The following PCDH15 variants were observed in gnomAD, a reference collection of about 807,000 sequenced individuals.
The protein encoded by PCDH15 is protocadherin-15.
Under a neutral mutation model 178.5 loss-of-function variants are expected in PCDH15, and 129 were observed. That is an observed-to-expected ratio of 0.72 (90% confidence interval 0.63 to 0.84). PCDH15 has a LOEUF of 0.84. Ranked by LOEUF, PCDH15 falls within the 40% of genes least tolerant of loss-of-function variation. PCDH15 has a pLI of 0.00. For synonymous variants in PCDH15, 800 were observed against 732.0 expected, an observed-to-expected ratio of 1.09 and a Z score of -1.50; for missense variants, 2,230 against 2,099.9, an observed-to-expected ratio of 1.06 and a Z score of -1.21.
intron 1 of PCDH15, among the ~76,000 whole-genome samples, chr10:55,302,192 T>A (rs192347477): frequency 1.3e-5 from 2 of 151,968 alleles, no homozygotes; most frequent in South Asian, 2.1e-4. Flanking sequence ...AGAATTGGCA[T>A]AATTACCATG....
chr10:55,450,526 A>T (rs906384673), intron 2 of PCDH15, among the ~76,000 whole-genome samples: 1 of 152,158 alleles, frequency 6.6e-6, no homozygotes, highest in African/African-American at 2.4e-5. Flanking sequence ...GAGTTAAATG[A>T]TCAGAACTCT....
At chr10:54,693,407 C>G (rs1163194429) in intron 1 of PCDH15, among the ~76,000 whole-genome samples, 2 of 152,052 alleles carry the variant, frequency 1.3e-5, no homozygotes, top group East Asian at 3.9e-4. Flanking sequence ...ATATCATGTT[C>G]ATATATTAGA....
chr10:54,530,901 G>A (rs2083842551), intron 2 of PCDH15, among the ~76,000 whole-genome samples: 1 of 152,062 alleles, frequency 6.6e-6, no homozygotes, highest in Admixed American at 6.6e-5. Flanking sequence ...GTTTTTAAAC[G>A]ATGCATTCAC....
intron 8 of PCDH15, among the ~76,000 whole-genome samples, chr10:54,298,537 C>A (rs11813372): frequency 6.6e-6 from 1 of 152,102 alleles, no homozygotes; most frequent in African/African-American, 2.4e-5. Context: ...AAAGGTTGTC[C>A]AATGAGAAAC....
chr10:55,153,137 C>G lies in PCDH15; in HGVS notation c.-80+13439G>C, dbSNP rs181337370. ...CAAGACGTATCATTTAACTGATCTACTTTATCTAGTTACCCACACCTATGA... is the reference window on the plus strand; with the variant it reads ...CAAGACGTATCATTTAACTGATCTAGTTTATCTAGTTACCCACACCTATGA... On this transcript the variant is annotated intron_variant, in intron 2 of 5. Transcript: ENST00000458638. Among the ~76,000 whole-genome samples the G allele has an allele frequency of 1.1e-3, 173 of 152,240 alleles. 1 individual carries two copies. The highest frequency in any genetic ancestry group is 3.4e-4 in the Non-Finnish European group (23 of 68,022).
intron 2 of PCDH15, among the ~76,000 whole-genome samples, chr10:55,416,733 A>G (rs1302795557): frequency 1.3e-5 from 2 of 151,770 alleles, no homozygotes; most frequent in African/African-American, 4.8e-5. Context: ...CAGAGAATTA[A>G]AGGGACAGGT....
intron 2 of PCDH15, among the ~76,000 whole-genome samples, chr10:55,056,957 C>T (rs1320651195): frequency 1.3e-5 from 2 of 152,000 alleles, no homozygotes; most frequent in Admixed American, 6.6e-5. Context: ...TTTGAAATTA[C>T]ATTTATACAA....
chr10:54,073,123 ATATG>A (rs1415626731), intron 17 of PCDH15, among the ~76,000 whole-genome samples: 2 of 151,862 alleles, frequency 1.3e-5, no homozygotes, highest in Non-Finnish European at 2.9e-5. Flanking sequence ...TAAAGATTAT[ATATG>A]TATGTGTGTA....
intron 2 of PCDH15, among the ~76,000 whole-genome samples, chr10:55,439,259 A>G (rs1208162572): frequency 6.6e-6 from 1 of 152,186 alleles, no homozygotes; most frequent in African/African-American, 2.4e-5. Context: ...AGAATTCTGG[A>G]TGGCAGCACA....
At chr10:53,998,105 G>A (rs913198746) in intron 20 of PCDH15, among the ~76,000 whole-genome samples, 7 of 152,058 alleles carry the variant, frequency 4.6e-5, no homozygotes, top group African/African-American at 9.7e-5. Context: ...TTAAGGACTC[G>A]CTCAGCACTC....
intron 9 of PCDH15, among the ~76,000 whole-genome samples, chr10:54,222,495 T>C (rs1362660727): frequency 6.6e-6 from 1 of 152,224 alleles, no homozygotes; most frequent in Non-Finnish European, 1.5e-5. Flanking sequence ...TCCTCCAAGT[T>C]GCTGTGTATC....
intron 32 of PCDH15, chr10:53,821,808 A>AAGAC (rs2076285206): frequency 6.2e-7 from 1 of 1,606,572 alleles, no homozygotes; most frequent in African/African-American, 1.3e-5. Context: ...GTTCAACTTG[A>AAGAC]AGACTATGAT....
intron 2 of PCDH15, among the ~76,000 whole-genome samples, chr10:54,957,288 T>C (rs1313898111): frequency 2.0e-5 from 3 of 151,624 alleles, no homozygotes; most frequent in East Asian, 3.9e-4. Context: ...GAAAGGAGGT[T>C]AGGAGAATCC....
intron 20 of PCDH15, among the ~76,000 whole-genome samples, chr10:54,004,754 C>T (rs2092321435): frequency 6.6e-6 from 1 of 151,756 alleles, no homozygotes; most frequent in Non-Finnish European, 1.5e-5. Flanking sequence ...AGATTCAATG[C>T]AATCCCTGTC....
rs185269822 is a variant in PCDH15 at position 55,146,806 on chromosome 10, T to A, written c.-80+19770A>T. 1.6e-3 allele frequency among the ~76,000 whole-genome samples: 240 copies of A among 151,920 alleles called. 7 individuals carry two copies. Among genetic ancestry groups the A allele is most frequent in the Admixed American group, 0.014 (212 of 15,204 alleles). On this transcript the variant is annotated intron_variant, in intron 2 of 5. Coordinates refer to the PCDH15 transcript ENST00000458638. ...AGCAATTTATTATTGACTAAAAAAC[T>A]ACAAATAAGCAATTATCTCAAAAGA...
intron 13 of PCDH15, among the ~76,000 whole-genome samples, chr10:54,167,120 C>T (rs978617283): frequency 5.9e-5 from 9 of 152,304 alleles, no homozygotes; most frequent in East Asian, 1.9e-4. Flanking sequence ...CACATGGACG[C>T]GCATGAAATT....
At chr10:54,031,123 G>A (rs2093281076) in intron 18 of PCDH15, among the ~76,000 whole-genome samples, 1 of 152,006 alleles carries the variant, frequency 6.6e-6, no homozygotes, top group Non-Finnish European at 1.5e-5. Context: ...GTCAAGGGGT[G>A]CAGAAATTCC....
intron 2 of PCDH15, among the ~76,000 whole-genome samples, chr10:55,126,649 T>C (rs1223574188): frequency 6.6e-6 from 1 of 151,992 alleles, no homozygotes; most frequent in Non-Finnish European, 1.5e-5. Flanking sequence ...AAAGAAAAAT[T>C]GTAGACCAAA....
intron 2 of PCDH15, among the ~76,000 whole-genome samples, chr10:54,927,203 C>T (rs7077885): frequency 0.25 from 37,298 of 151,828 alleles, 5,375 homozygotes; most frequent in Non-Finnish European, 0.33. Flanking sequence ...CCAGAAGTCA[C>T]TTAGAATCAG....
Sources: gnomAD v4.1 joint callset for allele counts (sites outside exome capture counted in the v4.1 genomes callset) on GRCh38, gnomAD v4.1.1 for gene constraint, MANE v1.5 for transcripts, NCBI Gene and HGNC (gene_info 2026-07-23, HGNC 2026-07-21) for gene names.